Variants in SLC30A8 observed in about 807,000 individuals in gnomAD.
SLC30A8 encodes the protein proton-coupled zinc antiporter SLC30A8.
Under a neutral mutation model 36.9 loss-of-function variants are expected in SLC30A8, and 27 were observed. That is an observed-to-expected ratio of 0.73 (90% CI 0.54 to 1.01). The LOEUF (loss-of-function observed/expected upper bound fraction) is 1.01. Ranked by LOEUF, SLC30A8 falls within the 50% of genes least tolerant of loss-of-function variation. The pLI, the probability that SLC30A8 is intolerant of heterozygous loss-of-function variation, is 0.00. For missense variants in SLC30A8, 439 were observed against 452.0 expected, an observed-to-expected ratio of 0.97 and a Z score of 0.26; for synonymous variants, 164 against 172.4, an observed-to-expected ratio of 0.95 and a Z score of 0.38.
chr8:117,163,624 T>C (rs1252849652), intron 6 of SLC30A8, 94 bp downstream of exon 6: 2 of 875,608 alleles, frequency 2.3e-6, no homozygotes, highest in African/African-American at 3.5e-5. Flanking sequence ...CACTGTTAAT[T>C]TGAATTATGG....
intron 2 of SLC30A8, among the ~76,000 whole-genome samples, chr8:117,057,315 C>G (rs1817901658): frequency 6.6e-6 from 1 of 152,162 alleles, no homozygotes; most frequent in Admixed American, 6.5e-5. Flanking sequence ...GGTATACATA[C>G]ATATTGTATA....
intron 1 of SLC30A8, among the ~76,000 whole-genome samples, chr8:117,002,815 G>A (rs1816056045): frequency 6.6e-6 from 1 of 152,140 alleles, no homozygotes; most frequent in Non-Finnish European, 1.5e-5. Context: ...GTGTTGGCCA[G>A]GATGGTCTCG....
intron 1 of SLC30A8, among the ~76,000 whole-genome samples, chr8:117,017,690 G>A (rs1421857567): frequency 2.0e-5 from 3 of 152,232 alleles, no homozygotes; most frequent in African/African-American, 4.8e-5. Flanking sequence ...GGCATTATAT[G>A]AGAGTGACTA....
At chr8:117,069,816 G>A (rs1272344430) in intron 2 of SLC30A8, among the ~76,000 whole-genome samples, 1 of 152,184 alleles carries the variant, frequency 6.6e-6, no homozygotes, top group East Asian at 1.9e-4. Flanking sequence ...GTTTACCCAG[G>A]GGTGGGCGGG....
chr8:117,073,253 T>G (rs1284838293), intron 2 of SLC30A8, among the ~76,000 whole-genome samples: 1 of 150,872 alleles, frequency 6.6e-6, no homozygotes, highest in Non-Finnish European at 1.5e-5. Context: ...ATAATATTTC[T>G]TTCACTTTTT....
intron 1 of SLC30A8, among the ~76,000 whole-genome samples, chr8:116,956,783 T>C (rs1012068273): frequency 6.6e-6 from 1 of 152,226 alleles, no homozygotes; most frequent in African/African-American, 2.4e-5. Context: ...GTTTCAAAAT[T>C]AAATTCATCA....
At chr8:117,053,875 C>A (rs895088107) in intron 2 of SLC30A8, among the ~76,000 whole-genome samples, 7 of 152,084 alleles carry the variant, frequency 4.6e-5, no homozygotes, top group Non-Finnish European at 7.3e-5. Flanking sequence ...GAAGACTGAA[C>A]AAGTATCAAT....
intron 1 of SLC30A8, among the ~76,000 whole-genome samples, chr8:117,023,564 T>C (rs550833181): frequency 0.023 from 3,530 of 152,100 alleles, 136 homozygotes; most frequent in African/African-American, 0.079. Context: ...AGTTCATGTA[T>C]TTTGTAGGGA....
intron 2 of SLC30A8, among the ~76,000 whole-genome samples, chr8:117,062,618 A>G (rs1395376374): frequency 6.6e-6 from 1 of 152,232 alleles, no homozygotes; most frequent in African/African-American, 2.4e-5. Flanking sequence ...TGTAGGAGAC[A>G]CATATCCAAA....
chr8:117,122,318 A>G (rs769694961), intron 2 of SLC30A8, among the ~76,000 whole-genome samples: 1 of 152,024 alleles, frequency 6.6e-6, no homozygotes, highest in Non-Finnish European at 1.5e-5. Flanking sequence ...AGTGTTAGGC[A>G]CTATTCTAAG....
intron 2 of SLC30A8, among the ~76,000 whole-genome samples, chr8:117,118,817 GAAC>G (rs1436688538): frequency 1.3e-5 from 2 of 151,784 alleles, no homozygotes; most frequent in Non-Finnish European, 2.9e-5. Context: ...TTTATTAACT[GAAC>G]AACAATTTGA....
intron 2 of SLC30A8, among the ~76,000 whole-genome samples, chr8:117,057,070 G>A (rs1251397395): frequency 1.3e-5 from 2 of 152,180 alleles, no homozygotes; most frequent in East Asian, 3.9e-4. Flanking sequence ...ATCAGCAACA[G>A]AAATTTAACT....
At chr8:117,050,973 A>T (rs1339842193) in intron 2 of SLC30A8, among the ~76,000 whole-genome samples, 1 of 152,216 alleles carries the variant, frequency 6.6e-6, no homozygotes. Context: ...AAAGTTACTG[A>T]TAAATAGGTT....
intron 2 of SLC30A8, among the ~76,000 whole-genome samples, chr8:117,063,101 C>T (rs751675052): frequency 6.6e-6 from 1 of 152,142 alleles, no homozygotes; most frequent in Non-Finnish European, 1.5e-5. Flanking sequence ...ATGTAATCAG[C>T]GGCTAGGGCT....
At chr8:116,979,066 G>A (rs561574709) in intron 1 of SLC30A8, among the ~76,000 whole-genome samples, 10 of 151,094 alleles carry the variant, frequency 6.6e-5, no homozygotes, top group Admixed American at 3.3e-4. Context: ...ATGAAACCCC[G>A]TCTCTACTAA....
chr8:117,046,492 G>C (rs1779349274), intron 2 of SLC30A8, among the ~76,000 whole-genome samples: 1 of 152,148 alleles, frequency 6.6e-6, no homozygotes, highest in Non-Finnish European at 1.5e-5. Context: ...ATTTAACTTA[G>C]TAAATAAATT....
At chr8:117,097,410 A>ATATATATATATATATATAT (rs1563593753) in intron 2 of SLC30A8, among the ~76,000 whole-genome samples, 9 of 122,734 alleles carry the variant, frequency 7.3e-5, no homozygotes, top group African/African-American at 2.7e-4. Flanking sequence ...AAAAAAAAAA[A>ATATATATATATATATATAT]AAAAAAAAAT....
At chr8:117,158,361 G>A (rs368034936) in intron 4 of SLC30A8, among the ~76,000 whole-genome samples, 5 of 152,278 alleles carry the variant, frequency 3.3e-5, no homozygotes, top group South Asian at 2.1e-4. Flanking sequence ...ACTCTAAAAT[G>A]TATTTACTTC....
At chr8:116,970,536 C>T (rs1311000170) in intron 1 of SLC30A8, among the ~76,000 whole-genome samples, 1 of 152,120 alleles carries the variant, frequency 6.6e-6, no homozygotes, top group Non-Finnish European at 1.5e-5. Flanking sequence ...GTAGGTTTGC[C>T]TACACCAGCA....
Sources: allele counts gnomAD v4.1 joint callset (sites outside exome capture counted in the v4.1 genomes callset), GRCh38; gene constraint gnomAD v4.1.1; transcripts MANE v1.5; gene names NCBI Gene and HGNC (gene_info 2026-07-23, HGNC 2026-07-21).